Variants in ARID3B observed in about 807,000 individuals in gnomAD.
ARID3B encodes the protein AT-rich interactive domain-containing protein 3B.
ARID3B carries 10 observed loss-of-function variants against 51.9 expected under a neutral mutation model. That is an observed-to-expected ratio of 0.19 (90% confidence interval 0.12 to 0.33). The LOEUF (loss-of-function observed/expected upper bound fraction) is 0.33. Ranked by LOEUF, ARID3B falls within the 10% of genes least tolerant of loss-of-function variation. The pLI is 1.00. For missense variants in ARID3B, 483 were observed against 716.3 expected, an observed-to-expected ratio of 0.67 and a Z score of 3.72; for synonymous variants, 205 against 279.5, an observed-to-expected ratio of 0.73 and a Z score of 2.66.
At chr15:74,562,522 C>T (rs1054657416) in intron 2 of ARID3B, among the ~76,000 whole-genome samples, 1 of 152,162 alleles carries the variant, frequency 6.6e-6, no homozygotes, top group Non-Finnish European at 1.5e-5. Flanking sequence ...CAGGGTCTCA[C>T]TGTCTCCCGG....
intron 7 of ARID3B, among the ~76,000 whole-genome samples, chr15:74,592,119 G>T (rs1202431376): frequency 6.6e-6 from 1 of 152,216 alleles, no homozygotes; most frequent in East Asian, 1.9e-4. Context: ...TTCCCCACCA[G>T]CCATTACCCC....
intron 4 of ARID3B, among the ~76,000 whole-genome samples, chr15:74,586,771 C>G (rs1224401838): frequency 6.6e-6 from 1 of 152,220 alleles, no homozygotes; most frequent in Non-Finnish European, 1.5e-5. Flanking sequence ...AAGACAACCC[C>G]TGCCTTCATA....
chr15:74,560,031 T>TAAAAAAAAAAAACAAAAAAAAAAA, intron 2 of ARID3B, among the ~76,000 whole-genome samples: 1 of 35,628 alleles, frequency 2.8e-5, no homozygotes, highest in Admixed American at 6.1e-4. Flanking sequence ...CTGTCTCTAC[T>TAAAAAAAAAAAACAAAAAAAAAAA]AAAAAAAAAA....
chr15:74,576,984 A>G (rs1267224029), intron 4 of ARID3B, among the ~76,000 whole-genome samples: 1 of 152,254 alleles, frequency 6.6e-6, no homozygotes, highest in Non-Finnish European at 1.5e-5. Flanking sequence ...TTGCCCAAAA[A>G]GCGCTTCAGT....
Position 74,595,852 on chromosome 15 carries a change from C to CA in ARID3B, c.*79dup, listed in dbSNP as rs1275933738. 6.9e-7 allele frequency: 1 copy of CA among 1,456,640 alleles called. No homozygotes were observed. The highest frequency in any genetic ancestry group is 9.2e-7 in the Non-Finnish European group (1 of 1,083,222). 90.2% of individuals were successfully genotyped at this position (1,456,640 alleles called of 1,614,324 possible). On this transcript the variant is annotated 3_prime_UTR_variant, in exon 9 of 9. Transcript: ENST00000346246. ...TTGATGCACAGAATTTACCTCATCT[C>CA]ACAGAGCCCACGTCGACGAGCACCA...
Position 74,591,103 on chromosome 15 carries a change from T to C in ARID3B, c.882-48T>C. 2 of 1,543,724 alleles carry C rather than the reference T, an allele frequency of 1.3e-6. No homozygotes were observed. Among genetic ancestry groups the C allele is most frequent in the South Asian group, 2.5e-5 (2 of 79,816 alleles). On this transcript the variant is annotated intron_variant, in intron 5 of 8. Coordinates refer to ENST00000346246, the MANE Select transcript of ARID3B (RefSeq NM_006465.4). This position sits in a 1 kb window ranked among gnomAD's most constrained non-coding sequence, Gnocchi z 5.8. ...ACCCACCAACCTCAACTGGGTGGTC[T>C]CTGGTGCTGTTTTGGATTATTCTCC...
chr15:74,546,347 C>T (rs1261394361), intron 2 of ARID3B, among the ~76,000 whole-genome samples: 3 of 152,158 alleles, frequency 2.0e-5, no homozygotes, highest in African/African-American at 4.8e-5. Flanking sequence ...AGTTCAGGCC[C>T]GAGGCGGCTG....
chr15:74,558,551 A>T (rs1005791431), intron 2 of ARID3B, among the ~76,000 whole-genome samples: 12 of 152,090 alleles, frequency 7.9e-5, no homozygotes, highest in African/African-American at 2.9e-4. Flanking sequence ...TGGAAATTTC[A>T]TACATACAAA....
intron 2 of ARID3B, among the ~76,000 whole-genome samples, chr15:74,558,217 A>G (rs2061666834): frequency 1.7e-5 from 2 of 119,694 alleles, no homozygotes; most frequent in Admixed American, 8.9e-5. Context: ...TTTTTTCTTA[A>G]CCAGTATTCT....
intron 4 of ARID3B, among the ~76,000 whole-genome samples, chr15:74,579,504 T>C (rs1017609642): frequency 6.6e-6 from 1 of 152,190 alleles, no homozygotes; most frequent in African/African-American, 2.4e-5. Flanking sequence ...TAGTGTCATC[T>C]TGGAAGTTTC....
Position 74,543,884 on chromosome 15 carries a change from G to T in ARID3B, c.-53G>T. On this transcript the variant is annotated 5_prime_UTR_variant, in exon 2 of 9. Transcript: ENST00000346246. ...GGTTTAGACCCAGTGTGCCTGGTGG[G>T]CTGTGCCCAGGTTCAGAGTCATGCC... The T allele has an allele frequency of 2.6e-6, 4 of 1,559,810 alleles. No individual in the cohort carries two copies. The highest frequency in any genetic ancestry group is 3.5e-6 in the Non-Finnish European group (4 of 1,153,442).
chr15:74,577,631 C>T (rs2061742750), intron 4 of ARID3B, among the ~76,000 whole-genome samples: 1 of 152,124 alleles, frequency 6.6e-6, no homozygotes, highest in Non-Finnish European at 1.5e-5. Flanking sequence ...AGGTGATCCT[C>T]CCACCTCAGC....
chr15:74,563,132 G>A (rs2061685094), intron 2 of ARID3B, among the ~76,000 whole-genome samples: 1 of 152,228 alleles, frequency 6.6e-6, no homozygotes, highest in Admixed American at 6.5e-5. Flanking sequence ...CAGGCCCTGT[G>A]CTTGATGCAC....
intron 2 of ARID3B, among the ~76,000 whole-genome samples, chr15:74,570,268 C>T (rs553429363): frequency 3.0e-4 from 46 of 152,132 alleles, no homozygotes; most frequent in Non-Finnish European, 5.7e-4. Flanking sequence ...TGGAGCCGAG[C>T]GCTCACACTT....
In ARID3B at chr15:74,591,140, C is replaced by G; in HGVS notation, c.882-11C>G. On this transcript the variant is annotated splice_polypyrimidine_tract_variant and intron_variant, in intron 5 of 8. Transcript: ENST00000346246. This position sits in a 1 kb window ranked among gnomAD's most constrained non-coding sequence, Gnocchi z 5.8. ...TTGGATTATTCTCCCTGCTTGCTTC[C>G]TTTCCTCCAGGTACATGAAGTATCT... 6.3e-7 allele frequency: 1 copy of G among 1,581,226 alleles called. No homozygotes were observed. The highest frequency in any genetic ancestry group is 2.3e-5 in the East Asian group (1 of 44,236).
intron 2 of ARID3B, among the ~76,000 whole-genome samples, chr15:74,549,635 CTG>C (rs910806406): frequency 4.6e-5 from 7 of 151,146 alleles, no homozygotes; most frequent in East Asian, 1.9e-4. Flanking sequence ...TTTTAAAAAA[CTG>C]TGCAAAGTAT....
chr15:74,584,852 C>T (rs1323062738), intron 4 of ARID3B, among the ~76,000 whole-genome samples: 1 of 152,194 alleles, frequency 6.6e-6, no homozygotes, highest in Non-Finnish European at 1.5e-5. Flanking sequence ...GTTAAAGCCC[C>T]AGGAGTCCCG....
intron 4 of ARID3B, among the ~76,000 whole-genome samples, chr15:74,583,155 A>G (rs1215216722): frequency 6.6e-6 from 1 of 151,946 alleles, no homozygotes; most frequent in Non-Finnish European, 1.5e-5. Flanking sequence ...AGGCGAGATC[A>G]TGTCACTGCA....
intron 3 of ARID3B, 83 bp from the exon 4 acceptor site, chr15:74,573,049 G>T (rs2061724759): frequency 1.3e-6 from 2 of 1,588,846 alleles, no homozygotes; most frequent in African/African-American, 2.7e-5. Context: ...TAGTGATTCA[G>T]ATGGTCATAG....
Sources: gnomAD v4.1 joint callset for allele counts (sites outside exome capture counted in the v4.1 genomes callset) on GRCh38, gnomAD v4.1.1 for gene constraint, Gnocchi (gnomAD v3.1) non-coding constraint, MANE v1.5 for transcripts, NCBI Gene and HGNC (gene_info 2026-07-23, HGNC 2026-07-21) for gene names.